HUNK: variants seen among roughly 807,000 people sequenced by gnomAD.
HUNK encodes the protein hormonally up-regulated neu tumor-associated kinase.
A neutral mutation model predicts 61.0 loss-of-function variants in HUNK; 21 were observed. That is an observed-to-expected ratio of 0.34 (90% CI 0.24 to 0.50). HUNK has a LOEUF of 0.50. Among genes scored for constraint, HUNK ranks in the 20% least tolerant of loss-of-function variants. The pLI, the probability that HUNK is intolerant of heterozygous loss-of-function variation, is 0.98. For synonymous variants in HUNK, 371 were observed against 386.1 expected, an observed-to-expected ratio of 0.96 and a Z score of 0.46; for missense variants, 772 against 945.7, an observed-to-expected ratio of 0.82 and a Z score of 2.41.
rs2053224716 is a variant in HUNK at position 31,998,808 on chromosome 21, C to A, written c.1769C>A (p.Ala590Asp). 3 of 1,614,208 alleles carry A rather than the reference C, an allele frequency of 1.9e-6. No individual in the cohort carries two copies. The highest frequency in any genetic ancestry group is 2.5e-6 in the Non-Finnish European group (3 of 1,180,046). Reference sequence around the variant, plus strand: ...ATTCTGAACTCCCCGGTCAGCTTGGCTCGCAGAAATTCCAGCGAGAGGACG... The same window carrying A: ...ATTCTGAACTCCCCGGTCAGCTTGGATCGCAGAAATTCCAGCGAGAGGACG... Reference protein sequence around the residue: ...YRILNSPVSLARRNSSERTLS... With the variant: ...YRILNSPVSLDRRNSSERTLS... Residue 590 changes from alanine to aspartate, a missense_variant, in exon 11 of 11, where the codon GCT (alanine) becomes GAT (aspartate). Ala to Asp is a moderately radical substitution (Grantham distance 126, BLOSUM62 -2). Around this residue, in one of 2 missense-constraint regions of HUNK, gnomAD observed 413 missense variants for 444.4 expected, o/e 0.93. Coordinates refer to ENST00000270112, the MANE Select transcript of HUNK (RefSeq NM_014586.2).
chr21:31,954,832 A>G (rs972658933), intron 4 of HUNK, among the ~76,000 whole-genome samples: 1 of 151,962 alleles, frequency 6.6e-6, no homozygotes, highest in Non-Finnish European at 1.5e-5. Context: ...CCCAAGCTGG[A>G]GTGCAGTGGC....
intron 1 of HUNK, among the ~76,000 whole-genome samples, chr21:31,897,868 A>G (rs770760096): frequency 2.0e-5 from 3 of 152,068 alleles, no homozygotes; most frequent in Non-Finnish European, 4.4e-5. Flanking sequence ...AGGTAGCTTC[A>G]TTGCCTCTGT....
chr21:31,905,993 T>TC (rs35941907), intron 1 of HUNK, among the ~76,000 whole-genome samples: 1 of 151,776 alleles, frequency 6.6e-6, no homozygotes, highest in Admixed American at 6.6e-5. Context: ...TTAATTTTTT[T>TC]TTTTCCTGGA....
In HUNK at chr21:31,874,329, TCGGGGGG is replaced by T. The variant is rs1286986606; in HGVS notation, c.261+402_261+408del. Among the ~76,000 whole-genome samples the T allele has an allele frequency of 7.6e-4, 25 of 32,706 alleles. 1 individual carries two copies. In the South Asian group the frequency reaches 0.024, roughly 32 times the overall value. The allele number at this position is 32,706 out of a possible 152,430, so 21.5% of individuals were successfully genotyped here. A position where few individuals can be genotyped will look rare whatever the true frequency, so the allele number is the denominator to read the frequency against. Reference sequence around the variant, plus strand: ...GGGCTAGAGGAGGTGGGCTCTTATGTCGGGGGGCGGGGGGGGCAGGAAAGCTAACAGC... The same window carrying T: ...GGGCTAGAGGAGGTGGGCTCTTATGTCGGGGGGGGCAGGAAAGCTAACAGC... On this transcript the variant is annotated intron_variant, in intron 1 of 10. Coordinates refer to ENST00000270112, the MANE Select transcript of HUNK (RefSeq NM_014586.2).
intron 7 of HUNK, among the ~76,000 whole-genome samples, chr21:31,982,209 G>A (rs1452431844): frequency 6.6e-6 from 1 of 152,166 alleles, no homozygotes; most frequent in Non-Finnish European, 1.5e-5. Context: ...TGCTTGCCTA[G>A]AGTGTGGATT....
At position 31,956,971 on chromosome 21, in the gene HUNK, C is replaced by T. The variant is rs78962679; in HGVS notation, c.747-1872C>T. ...TTGTTTCCATTTCTTTGTTTATGCA[C>T]TTTTTATCTCTCCATCCATACAACC... On this transcript the variant is annotated intron_variant, in intron 4 of 10. Transcript: ENST00000270112. 5.5e-3 allele frequency among the ~76,000 whole-genome samples: 836 copies of T among 152,238 alleles called. 3 individuals are homozygous for T. Among genetic ancestry groups the T allele is most frequent in the African/African-American group, 0.019 (789 of 41,556 alleles).
chr21:31,959,014 G>A (rs752131693), intron 5 of HUNK, 44 bp downstream of exon 5: 18 of 1,516,150 alleles, frequency 1.2e-5, no homozygotes, highest in South Asian at 2.6e-5. Flanking sequence ...GACTGCTGTC[G>A]TGACCAGTTC....
chr21:31,924,897 T>A lies in HUNK; in HGVS notation c.554+137T>A. 1 of 710,996 alleles carries A rather than the reference T, an allele frequency of 1.4e-6. No homozygotes were observed. Among genetic ancestry groups the A allele is most frequent in the Non-Finnish European group, 2.1e-6 (1 of 468,762 alleles). 44.0% of individuals were successfully genotyped at this position (710,996 alleles called of 1,614,324 possible). A position where few individuals can be genotyped will look rare whatever the true frequency, so the allele number is the denominator to read the frequency against. Reference sequence around the variant, plus strand: ...AATTTGTCTATATTTTAATTTTATTTATTTGTTTATTTTTTTGAGACGGAG... The same window carrying A: ...AATTTGTCTATATTTTAATTTTATTAATTTGTTTATTTTTTTGAGACGGAG... On this transcript the variant is annotated intron_variant, in intron 2 of 10. Transcript: ENST00000270112. This position sits in a 1 kb window ranked among gnomAD's most constrained non-coding sequence, Gnocchi z 5.1.
rs144555756 is a variant in HUNK, at chr21:32,001,690, A to G, written c.*2506A>G. On this transcript the variant is annotated 3_prime_UTR_variant, in exon 11 of 11. Coordinates refer to ENST00000270112, the MANE Select transcript of HUNK (RefSeq NM_014586.2). ...GTGTGTGTGAGCACCTGACAAATCT[A>G]TGAAACCGAGTGAAAGGAGAAATGT... 0.018 allele frequency: 2,770 copies of G among 152,438 alleles called. 34 individuals carry two copies. The highest frequency in any genetic ancestry group is 0.041 in the Middle Eastern group (12 of 294). 9.4% of individuals were successfully genotyped at this position (152,438 alleles called of 1,614,324 possible). A position where few individuals can be genotyped will look rare whatever the true frequency, so the allele number is the denominator to read the frequency against.
intron 1 of HUNK, among the ~76,000 whole-genome samples, chr21:31,875,950 G>T (rs1568913664): frequency 1.3e-5 from 2 of 152,156 alleles, no homozygotes; most frequent in Non-Finnish European, 2.9e-5. Context: ...TGAACTGCCT[G>T]GGGGTGGATT....
chr21:31,890,451 A>T (rs2052379445), intron 1 of HUNK, among the ~76,000 whole-genome samples: 1 of 151,780 alleles, frequency 6.6e-6, no homozygotes, highest in Non-Finnish European at 1.5e-5. Context: ...CTGGTCTCGA[A>T]CTCCTGACCT....
chr21:31,896,852 G>A (rs955346546), intron 1 of HUNK, among the ~76,000 whole-genome samples: 23 of 152,218 alleles, frequency 1.5e-4, no homozygotes, highest in Non-Finnish European at 2.8e-4. Context: ...TCACTCTTTA[G>A]GAACACTCTT....
intron 1 of HUNK, among the ~76,000 whole-genome samples, chr21:31,886,136 A>G (rs78925520): frequency 0.01 from 1,575 of 152,256 alleles, 32 homozygotes; most frequent in African/African-American, 0.036. Flanking sequence ...CCTCATATTC[A>G]GGGGGCTAGG....
At chr21:31,995,630 T>G in intron 9 of HUNK, 138 bp from the exon 10 acceptor site, 1 of 739,212 alleles carries the variant, frequency 1.4e-6, no homozygotes, top group Admixed American at 2.7e-5. Context: ...AGCTCCTCCC[T>G]CATTCAACAC....
intron 1 of HUNK, among the ~76,000 whole-genome samples, chr21:31,909,777 G>A (rs570528083): frequency 7.2e-5 from 11 of 152,336 alleles, no homozygotes; most frequent in Non-Finnish European, 1.5e-5. Flanking sequence ...TCTGCTTTCT[G>A]TTAAATAAGT....
At chr21:31,996,210 T>A (rs2053204928) in intron 10 of HUNK, among the ~76,000 whole-genome samples, 1 of 152,140 alleles carries the variant, frequency 6.6e-6, no homozygotes, top group African/African-American at 2.4e-5. Context: ...GTGGATGATA[T>A]TGTCAGAACA....
chr21:31,890,669 GTTGCTA>G (rs1457989161), intron 1 of HUNK, among the ~76,000 whole-genome samples: 1 of 152,168 alleles, frequency 6.6e-6, no homozygotes, highest in East Asian at 1.9e-4. Flanking sequence ...TGATACTGCT[GTTGCTA>G]TCCTTGTATG....
At chr21:31,995,262 C>T (rs2053196641) in intron 9 of HUNK, among the ~76,000 whole-genome samples, 1 of 152,074 alleles carries the variant, frequency 6.6e-6, no homozygotes, top group South Asian at 2.1e-4. Context: ...GGGCTGGAAG[C>T]CCATCAGGAC....
intron 1 of HUNK, among the ~76,000 whole-genome samples, chr21:31,907,639 A>G (rs2052515345): frequency 6.6e-6 from 1 of 152,192 alleles, no homozygotes; most frequent in African/African-American, 2.4e-5. Context: ...TATAAAAAGT[A>G]GAGAGGAGTC....
Sources: allele counts gnomAD v4.1 joint callset (sites outside exome capture counted in the v4.1 genomes callset), GRCh38; gene constraint gnomAD v4.1.1; regional missense constraint gnomAD v4.1.1; non-coding constraint Gnocchi (gnomAD v3.1); transcripts MANE v1.5; gene names NCBI Gene and HGNC (gene_info 2026-07-23, HGNC 2026-07-21).